PLEKHH3: variants seen among roughly 807,000 people sequenced by gnomAD.
PLEKHH3 encodes pleckstrin homology, MyTH4 and FERM domain containing H3, also known as pleckstrin homology domain-containing family H member 3.
Under a neutral mutation model 77.8 loss-of-function variants are expected in PLEKHH3, and 57 were observed. The ratio of observed to expected loss-of-function variants is 0.73; its 90% CI spans 0.59 to 0.91. The LOEUF (loss-of-function observed/expected upper bound fraction) is 0.91. Among genes scored for constraint, PLEKHH3 ranks in the 40% least tolerant of loss-of-function variants. The probability of loss-of-function intolerance (pLI) is 0.00; values close to 1 mark genes in which losing one functional copy is unlikely to be tolerated. For synonymous variants in PLEKHH3, 467 were observed against 504.8 expected, an observed-to-expected ratio of 0.93 and a Z score of 1.00; for missense variants, 1,082 against 1,091.2, an observed-to-expected ratio of 0.99 and a Z score of 0.12.
rs755968380 is a variant in PLEKHH3, at chr17:42,673,289, CAACT to C, written c.652_655del (p.Ser218AlafsTer12). ...GAGGGCAACGGCCTCTGGGTCCCCG[CAACT>C]TTCCTAGGGGGCCAGGGAGAGGGTC... On this transcript the variant is annotated frameshift_variant, in exon 6 of 13. Transcript: ENST00000591022. LOFTEE classifies it high-confidence loss of function. 1.3e-6 allele frequency: 2 copies of C among 1,599,222 alleles called. No individual in the cohort carries two copies. The highest frequency in any genetic ancestry group is 1.7e-6 in the Non-Finnish European group (2 of 1,175,768).
chr17:42,675,664 C>T (rs973557216), intron 1 of PLEKHH3, among the ~76,000 whole-genome samples: 2 of 152,156 alleles, frequency 1.3e-5, no homozygotes, highest in African/African-American at 2.4e-5. Flanking sequence ...CCACAGCACA[C>T]GGGAGTCTGG....
At position 42,670,732 on chromosome 17, in the gene PLEKHH3, T is replaced by A. The variant is rs772327668; in HGVS notation, c.1422-27A>T. On this transcript the variant is annotated intron_variant, in intron 9 of 12. Coordinates refer to ENST00000591022, the MANE Select transcript of PLEKHH3 (RefSeq NM_024927.5). ...TGCAGAAGAGGAGCGGACGAAGCGC[T>A]AGGGAGAAGCCGGACCCCTACGGCG... is the stretch of plus-strand genomic sequence containing the variant. 7 of 1,601,454 alleles carry A rather than the reference T, an allele frequency of 4.4e-6. No individual in the cohort carries two copies. In the East Asian group the frequency reaches 1.6e-4, roughly 36 times the overall value.
In PLEKHH3 at chr17:42,673,944, G is replaced by A; in HGVS notation, c.288C>T (p.Ile96=). The A allele has an allele frequency of 6.2e-7, 1 of 1,613,478 alleles. No individual in the cohort carries two copies. ...EKGLPEDDPD[I]VVKGWLYREP... is the part of the protein sequence containing the mutation. ...GAGGGGGGTCTCTACCTTTCACAACGATGTCCGGGTCGTCCTCCGGCAGCC... is the reference window on the plus strand; with the variant it reads ...GAGGGGGGTCTCTACCTTTCACAACAATGTCCGGGTCGTCCTCCGGCAGCC... The change falls in exon 3 of 13, where the codon ATC becomes ATT. Residue 96 remains isoleucine (I), a synonymous_variant. Transcript: ENST00000591022.
intron 1 of PLEKHH3, chr17:42,674,747 AC>A (rs2052785652): frequency 7.0e-6 from 2 of 286,734 alleles, no homozygotes; most frequent in Non-Finnish European, 6.5e-6. Flanking sequence ...TCACTGTGGA[AC>A]CTTGGGCAAG....
chr17:42,673,952 G>T lies in PLEKHH3; in HGVS notation c.280C>A (p.Pro94Thr). The T allele has an allele frequency of 3.1e-6, 5 of 1,613,552 alleles. No homozygotes were observed. Among genetic ancestry groups the T allele is most frequent in the Non-Finnish European group, 4.2e-6 (5 of 1,179,932 alleles). The change falls in exon 3 of 13, where the codon CCG becomes ACG. Residue 94 changes from proline to threonine, a missense_variant. Pro to Thr is a conservative substitution (Grantham distance 38, BLOSUM62 -1). Coordinates refer to ENST00000591022, the MANE Select transcript of PLEKHH3 (RefSeq NM_024927.5). ...TCTCTACCTTTCACAACGATGTCCG[G>T]GTCGTCCTCCGGCAGCCCTTTCTCC... ...IPEKGLPEDDPDIVVKGWLYR... is the reference protein window; with the variant it reads ...IPEKGLPEDDTDIVVKGWLYR...
At position 42,669,521 on chromosome 17, in the gene PLEKHH3, C is replaced by T. The variant is rs1166010174; in HGVS notation, c.2114G>A (p.Ser705Asn). The T allele has an allele frequency of 1.2e-6, 2 of 1,611,162 alleles. No homozygotes were observed. Among genetic ancestry groups the T allele is most frequent in the African/African-American group, 2.7e-5 (2 of 74,890 alleles). Residue 705 changes from serine to asparagine, a missense_variant, in exon 12 of 13, where the codon AGC (serine) becomes AAC (asparagine). Around this residue, in one of 3 missense-constraint regions of PLEKHH3, gnomAD observed 733 missense variants for 750.0 expected, o/e 0.98. Coordinates refer to ENST00000591022, the MANE Select transcript of PLEKHH3 (RefSeq NM_024927.5). ...CTGGCAGGCGGCCACATGGCCATAG[C>T]TGACACTGTGGATGGGCTCCGTCTC... ...PGETEPIHSV[S>N]YGHVAACQLM...
chr17:42,670,741 G>C (rs370342968), intron 9 of PLEKHH3, 36 bp from the exon 10 acceptor site: 4 of 1,594,950 alleles, frequency 2.5e-6, no homozygotes, highest in Admixed American at 3.4e-5. Context: ...CTAGGGAGAA[G>C]CCGGACCCCT....
At chr17:42,670,776 G>A in intron 9 of PLEKHH3, 71 bp from the exon 10 acceptor site, 4 of 1,557,160 alleles carry the variant, frequency 2.6e-6, no homozygotes, top group Non-Finnish European at 3.5e-6. Flanking sequence ...TTGGGGTGGG[G>A]GCGGGGCCAT....
intron 6 of PLEKHH3, 47 bp from the exon 7 acceptor site, chr17:42,672,439 A>AGCTGC (rs1177133603): frequency 1.5e-5 from 21 of 1,440,534 alleles, no homozygotes; most frequent in Non-Finnish European, 1.8e-5. Context: ...GGGGACACAG[A>AGCTGC]GCTGCGCCCT....
chr17:42,673,232 G>C lies in PLEKHH3; in HGVS notation c.713C>G (p.Thr238Ser). The C allele has an allele frequency of 6.3e-7, 1 of 1,585,874 alleles. No individual in the cohort carries two copies. Among genetic ancestry groups the C allele is most frequent in the South Asian group, 1.1e-5 (1 of 87,358 alleles). Residue 238 changes from threonine (T) to serine (S), a missense_variant, in exon 6 of 13, where the codon ACT becomes AGT. Transcript: ENST00000591022. ...GAGTGGGGCATACAAGGCTCCACTA[G>C]TGTGTCTCAGAATCGGGTTCCTCAG... ...IYLRNPILRH[T>S]SGALYAPLLP...
At chr17:42,672,022 T>C in intron 7 of PLEKHH3, 64 bp downstream of exon 7, 1 of 1,357,738 alleles carries the variant, frequency 7.4e-7, no homozygotes, top group Non-Finnish European at 9.8e-7. Flanking sequence ...GCAAAAGACC[T>C]TTCATTCTCT....
Position 42,676,349 on chromosome 17 carries a change from G to T in PLEKHH3, c.162+53C>A. ...GGAGGCTGGAGCGGATCAGCGTGAC[G>T]GCCGGTTACAGCGAGAGTGATTGAG... On this transcript the variant is annotated intron_variant, in intron 1 of 12. Coordinates refer to ENST00000591022, the MANE Select transcript of PLEKHH3 (RefSeq NM_024927.5). This position sits in a 1 kb window ranked among gnomAD's most constrained non-coding sequence, Gnocchi z 6.6. 6.2e-7 allele frequency: 1 copy of T among 1,600,886 alleles called. No individual in the cohort carries two copies. Among genetic ancestry groups the T allele is most frequent in the Non-Finnish European group, 8.5e-7 (1 of 1,171,866 alleles).
At chr17:42,669,198 G>T in intron 12 of PLEKHH3, 1 of 415,732 alleles carries the variant, frequency 2.4e-6, no homozygotes, top group Non-Finnish European at 4.1e-6. Flanking sequence ...ACCCTTCCCT[G>T]GCTTCCTGTC....
rs1267925471 is a variant in PLEKHH3, at chr17:42,672,364, C to T, written c.798G>A (p.Glu266=). The change falls in exon 7 of 13, where the codon GAG becomes GAA. Residue 266 remains glutamate (E), a synonymous_variant. Transcript: ENST00000591022. ...GCAGCGCCAAGAACAGCCGCACCGC[C>T]TCCTCGCGCAGGGGTGCATAGCCCG... ...PGPGYAPLRE[E]AVRLFLALQA... 6.5e-7 allele frequency: 1 copy of T among 1,538,502 alleles called. No individual in the cohort carries two copies. Among genetic ancestry groups the T allele is most frequent in the African/African-American group, 1.4e-5 (1 of 72,840 alleles).
Position 42,676,460 on chromosome 17 carries a change from T to C in PLEKHH3, c.104A>G (p.Glu35Gly), listed in dbSNP as rs769212050. The C allele has an allele frequency of 2.0e-4, 329 of 1,613,140 alleles. No homozygotes were observed. The Middle Eastern group carries it at 3.1e-3, about 15-fold the overall frequency. ...CTCAAAGGTTTCCTCGTCCTCGTCC[T>C]CGTCCCCGTCCCCGCTAAGCTCGCC... ...GDGELSGDGDEDEDEETFELR... is the reference protein window; with the variant it reads ...GDGELSGDGDGDEDEETFELR... The change falls in exon 1 of 13, where the codon GAG becomes GGG. Residue 35 changes from glutamate (E) to glycine (G), a missense_variant. By Grantham distance (98) the Glu-to-Gly change is moderately conservative. Transcript: ENST00000591022. The surrounding 1 kb of genome is among the most constrained non-coding windows in gnomAD (Gnocchi z 6.6).
In PLEKHH3 at chr17:42,673,784, G is replaced by C; in HGVS notation, c.349C>G (p.Pro117Ala). ...GTGAGCACAAACCAGGCTCGGCGCG[G>C]GGGCAGCCAGGGCCGCGCCCCTCCT... ...RGGGARPWLP[P>A]RRAWFVLTRD... Residue 117 changes from proline to alanine, a missense_variant, in exon 4 of 13, where the codon CCG becomes GCG. Transcript: ENST00000591022. 6.3e-7 allele frequency: 1 copy of C among 1,591,002 alleles called. No individual in the cohort carries two copies. Among genetic ancestry groups the C allele is most frequent in the South Asian group, 1.1e-5 (1 of 90,158 alleles).
chr17:42,676,313 A>C lies in PLEKHH3; in HGVS notation c.162+89T>G, dbSNP rs1178650199. 6.4e-7 allele frequency: 1 copy of C among 1,566,276 alleles called. No homozygotes were observed. The highest frequency in any genetic ancestry group is 2.3e-5 in the East Asian group (1 of 44,260). On this transcript the variant is annotated intron_variant, in intron 1 of 12. Coordinates refer to ENST00000591022, the MANE Select transcript of PLEKHH3 (RefSeq NM_024927.5). This position sits in a 1 kb window ranked among gnomAD's most constrained non-coding sequence, Gnocchi z 6.6. ...CTCATCCCTAGTTCGCCAAGCGCGCAGCGTGTGGCTGGAGGCTGGAGCGGA... is the reference window on the plus strand; with the variant it reads ...CTCATCCCTAGTTCGCCAAGCGCGCCGCGTGTGGCTGGAGGCTGGAGCGGA...
At chr17:42,670,532 T>C (rs2052670538) in intron 10 of PLEKHH3, 41 bp downstream of exon 10, 1 of 1,583,604 alleles carries the variant, frequency 6.3e-7, no homozygotes, top group African/African-American at 1.3e-5. Context: ...GGGTTCAGGC[T>C]TGGGGGTCTG....
Position 42,676,404 on chromosome 17 carries a change from T to G in PLEKHH3, c.160A>C (p.Arg54=). The change falls in exon 1 of 13, where the codon AGG becomes CGG. Residue 54 remains arginine, a splice_region_variant and synonymous_variant. Coordinates refer to ENST00000591022, the MANE Select transcript of PLEKHH3 (RefSeq NM_024927.5). This position sits in a 1 kb window ranked among gnomAD's most constrained non-coding sequence, Gnocchi z 6.6. ...GGCTCCGAACCCCCGGGACTTACCC[T>G]CCCGCCGCCCGCTGGACTCGGGGTC... The part of the protein sequence containing the change: ...LRTPSPAGGG[R]GPLEVTLTQP... 1 of 1,612,954 alleles carries G rather than the reference T, an allele frequency of 6.2e-7. No individual in the cohort carries two copies. Among genetic ancestry groups the G allele is most frequent in the Non-Finnish European group, 8.5e-7 (1 of 1,179,834 alleles).
Sources: allele counts gnomAD v4.1 joint callset (sites outside exome capture counted in the v4.1 genomes callset), GRCh38; gene constraint gnomAD v4.1.1; regional missense constraint gnomAD v4.1.1; non-coding constraint Gnocchi (gnomAD v3.1); transcripts MANE v1.5; gene names NCBI Gene and HGNC (gene_info 2026-07-23, HGNC 2026-07-21).